The following DSTYK variants were observed in gnomAD, a reference collection of about 807,000 sequenced individuals.
The protein encoded by DSTYK is dual serine/threonine and tyrosine protein kinase.
Under a neutral mutation model 98.7 loss-of-function variants are expected in DSTYK, and 34 were observed. That is an observed-to-expected ratio of 0.34 (90% CI 0.26 to 0.46). The LOEUF (loss-of-function observed/expected upper bound fraction) is 0.46, where lower values mean the gene tolerates loss of function less well. Among genes scored for constraint, DSTYK ranks in the 20% least tolerant of loss-of-function variants. The pLI, the probability that DSTYK is intolerant of heterozygous loss-of-function variation, is 1.00. For synonymous variants in DSTYK, 462 were observed against 457.3 expected, an observed-to-expected ratio of 1.01 and a Z score of -0.13; for missense variants, 962 against 1,181.7, an observed-to-expected ratio of 0.81 and a Z score of 2.73.
chr1:205,211,550 C>G lies in DSTYK; in HGVS notation c.-15G>C, dbSNP rs1054845116. 1 of 1,491,648 alleles carries G rather than the reference C, an allele frequency of 6.7e-7. No homozygotes were observed. The highest frequency in any genetic ancestry group is 1.4e-5 in the African/African-American group (1 of 69,236). 92.4% of individuals were successfully genotyped at this position (1,491,648 alleles called of 1,614,324 possible). A position where few individuals can be genotyped will look rare whatever the true frequency, so the allele number is the denominator to read the frequency against. ...TCGCCCTCCATCGCCTCTGCCCGCT[C>G]TGTCTTTGCGGCTCGGTCCCCGGCC... On this transcript the variant is annotated 5_prime_UTR_variant, in exon 1 of 13. Transcript: ENST00000367162.
intron 1 of DSTYK, among the ~76,000 whole-genome samples, chr1:205,194,517 C>T (rs1367942333): frequency 1.3e-5 from 2 of 151,082 alleles, no homozygotes; most frequent in African/African-American, 4.9e-5. Context: ...CAAGGATTTC[C>T]CTCCTTCAGT....
chr1:205,186,874 T>C (rs1658572277), intron 2 of DSTYK, among the ~76,000 whole-genome samples: 1 of 152,234 alleles, frequency 6.6e-6, no homozygotes, highest in Non-Finnish European at 1.5e-5. Flanking sequence ...GAGCCAGACC[T>C]GTCCTCACAT....
At chr1:205,184,675 G>C (rs2102445645) in intron 2 of DSTYK, among the ~76,000 whole-genome samples, 1 of 152,226 alleles carries the variant, frequency 6.6e-6, no homozygotes, top group Non-Finnish European at 1.5e-5. Context: ...GTGTTGTACA[G>C]TGCTACGATC....
At position 205,150,090 on chromosome 1, in the gene DSTYK, T is replaced by G. The variant is rs1657359344; in HGVS notation, c.2467+590A>C. On this transcript the variant is annotated intron_variant, in intron 11 of 12. Coordinates refer to ENST00000367162, the MANE Select transcript of DSTYK (RefSeq NM_015375.3). The surrounding 1 kb of genome is among the most constrained non-coding windows in gnomAD (Gnocchi z 4.1). ...TCGTCACAGAATTAAACAAAATATG[T>G]GAAAAACCTACCCATACTGCTTAGG... Among the ~76,000 whole-genome samples, 1 of 152,144 alleles carries G rather than the reference T, an allele frequency of 6.6e-6. No individual in the cohort carries two copies. Among genetic ancestry groups the G allele is most frequent in the Non-Finnish European group, 1.5e-5 (1 of 68,030 alleles).
In DSTYK at chr1:205,211,440, G is replaced by A. The variant is rs747971825; in HGVS notation, c.96C>T (p.Gly32=). 1.2e-6 allele frequency: 2 copies of A among 1,603,854 alleles called. No homozygotes were observed. The highest frequency in any genetic ancestry group is 1.7e-5 in the Admixed American group (1 of 59,572). ...GCCGTCCCAGGTAGCGGCGGTAGCG[G>A]CCGAAGCCCCGGCACAGCTCGCGGA... is the stretch of plus-strand genomic sequence containing the variant. ...GMIRELCRGF[G]RYRRYLGRLR... Residue 32 remains glycine (G), a synonymous_variant, in exon 1 of 13, where the codon GGC becomes GGT. Transcript: ENST00000367162.
chr1:205,148,370 G>T, intron 11 of DSTYK, 31 bp from the exon 12 acceptor site: 2 of 1,609,304 alleles, frequency 1.2e-6, no homozygotes, highest in Non-Finnish European at 1.7e-6. Context: ...AACGTAATGA[G>T]CCACAGAGAG....
At position 205,202,481 on chromosome 1, in the gene DSTYK, CAG is replaced by C. The variant is rs1659071572; in HGVS notation, c.265+8788_265+8789del. 3.6e-6 allele frequency: 3 copies of C among 825,420 alleles called. No individual in the cohort carries two copies. The South Asian group carries it at 3.9e-5, about 11-fold the overall frequency. The allele number at this position is 825,420 out of a possible 1,614,324, so 51.1% of individuals were successfully genotyped here. A position where few individuals can be genotyped will look rare whatever the true frequency, so the allele number is the denominator to read the frequency against. On this transcript the variant is annotated intron_variant, in intron 1 of 12. Transcript: ENST00000367162. ...TTTTTGCTACACATGCTTAAAAATG[CAG>C]AGAGTAATGCTGAACTTAAGGGTTT...
In DSTYK at chr1:205,147,708, C is replaced by G; in HGVS notation, c.2640G>C (p.Glu880Asp). The G allele has an allele frequency of 1.2e-6, 2 of 1,614,048 alleles. No homozygotes were observed. Among genetic ancestry groups the G allele is most frequent in the Non-Finnish European group, 1.7e-6 (2 of 1,179,982 alleles). ...RPERLPVFDE[E>D]CWQLMEACWD... is the part of the protein sequence containing the mutation. ...AACAGGCTTCCATCAACTGCCAGCA[C>G]TCCTCATCAAACACAGGAAGACGTT... The change falls in exon 13 of 13, where the codon GAG becomes GAC. Residue 880 changes from glutamate to aspartate, a missense_variant. By Grantham distance (45) the Glu-to-Asp change is conservative. Coordinates refer to ENST00000367162, the MANE Select transcript of DSTYK (RefSeq NM_015375.3).
At chr1:205,157,726 C>T (rs907710096) in intron 9 of DSTYK, among the ~76,000 whole-genome samples, 1 of 145,178 alleles carries the variant, frequency 6.9e-6, no homozygotes, top group African/African-American at 2.5e-5. Flanking sequence ...GGTGCCACTG[C>T]ACTTCAGCCT....
At chr1:205,171,479 C>CTTTGAGGTTTGAGG (rs58387175) in intron 2 of DSTYK, among the ~76,000 whole-genome samples, 5 of 144,494 alleles carry the variant, frequency 3.5e-5, no homozygotes, top group Non-Finnish European at 6.0e-5. Flanking sequence ...AAAAAAAGAT[C>CTTTGAGGTTTGAGG]TTTGAGGTTT....
At chr1:205,184,034 A>C (rs1658496251) in intron 2 of DSTYK, among the ~76,000 whole-genome samples, 1 of 152,166 alleles carries the variant, frequency 6.6e-6, no homozygotes, top group Non-Finnish European at 1.5e-5. Context: ...AAGAGAGAAT[A>C]TATTTTTTAA....
chr1:205,154,483 A>T (rs1011185903), intron 10 of DSTYK, among the ~76,000 whole-genome samples: 2 of 151,908 alleles, frequency 1.3e-5, no homozygotes, highest in East Asian at 1.9e-4. Flanking sequence ...TTCCCCTTCC[A>T]CTATGATGGT....
chr1:205,178,965 C>A lies in DSTYK; in HGVS notation c.654+8453G>T, dbSNP rs569501771. On this transcript the variant is annotated intron_variant, in intron 2 of 12. Transcript: ENST00000367162. ...GCAACATGGCAAAACCCCATTTCTA[C>A]AAAAAAATACAAATATTAGCCAGGC... Among the ~76,000 whole-genome samples, 23 of 151,634 alleles carry A rather than the reference C, an allele frequency of 1.5e-4. No homozygotes were observed. In the South Asian group the frequency reaches 4.4e-3, roughly 29 times the overall value.
intron 9 of DSTYK, among the ~76,000 whole-genome samples, chr1:205,158,673 C>T (rs557539327): frequency 2.0e-5 from 3 of 152,338 alleles, no homozygotes; most frequent in Middle Eastern, 3.4e-3. Flanking sequence ...TACCGGCCTT[C>T]GAATGCTCTA....
At chr1:205,202,564 C>T (rs1036778370) in intron 1 of DSTYK, 8 of 961,484 alleles carry the variant, frequency 8.3e-6, no homozygotes, top group East Asian at 7.2e-5. Flanking sequence ...ACCTAAGATG[C>T]GCCGCTGGAC....
At chr1:205,196,006 G>A (rs910558372) in intron 1 of DSTYK, among the ~76,000 whole-genome samples, 40 of 152,176 alleles carry the variant, frequency 2.6e-4, no homozygotes, top group African/African-American at 8.9e-4. Context: ...CATTTGGAAC[G>A]CAGTGTATAA....
At chr1:205,157,537 G>A in intron 9 of DSTYK, 151 bp from the exon 10 acceptor site, 1 of 559,676 alleles carries the variant, frequency 1.8e-6, no homozygotes. Flanking sequence ...CACTTAGGGA[G>A]GCCAAGGTCA....
chr1:205,190,209 G>T (rs1443139763), intron 1 of DSTYK, among the ~76,000 whole-genome samples: 1 of 152,144 alleles, frequency 6.6e-6, no homozygotes, highest in Non-Finnish European at 1.5e-5. Context: ...CCATTTAGTG[G>T]GGACAGCTAC....
intron 1 of DSTYK, among the ~76,000 whole-genome samples, chr1:205,190,696 G>A (rs891093386): frequency 5.3e-5 from 8 of 150,234 alleles, no homozygotes; most frequent in African/African-American, 1.7e-4. Context: ...GTCTCAGCTC[G>A]AGCAGTGAGA....
Sources: allele counts gnomAD v4.1 joint callset (sites outside exome capture counted in the v4.1 genomes callset), GRCh38; gene constraint gnomAD v4.1.1; non-coding constraint Gnocchi (gnomAD v3.1); transcripts MANE v1.5; gene names NCBI Gene and HGNC (gene_info 2026-07-23, HGNC 2026-07-21).